Variants in ZYG11A observed in about 807,000 individuals in gnomAD.
ZYG11A encodes zyg-11 family member A, cell cycle regulator.
Under a neutral mutation model 77.2 loss-of-function variants are expected in ZYG11A, and 62 were observed. That is an observed-to-expected ratio of 0.80 (90% CI 0.65 to 0.99). The LOEUF is 0.99. Ranked by LOEUF, ZYG11A falls within the 50% of genes least tolerant of loss-of-function variation. The probability of loss-of-function intolerance (pLI) is 0.00; values close to 1 mark genes in which losing one functional copy is unlikely to be tolerated. For synonymous variants in ZYG11A, 315 were observed against 324.6 expected (o/e 0.97, Z 0.32); for missense variants, 828 against 896.8 (o/e 0.92, Z 0.98).
chr1:52,886,324 T>C (rs568862732), intron 12 of ZYG11A, among the ~76,000 whole-genome samples: 26 of 152,248 alleles, frequency 1.7e-4, no homozygotes, highest in African/African-American at 6.0e-4. Flanking sequence ...ATTTCTCTGA[T>C]ATTGGGAAAG....
intron 3 of ZYG11A, among the ~76,000 whole-genome samples, chr1:52,859,999 CT>C (rs923673579): frequency 6.6e-6 from 1 of 152,104 alleles, no homozygotes; most frequent in African/African-American, 2.4e-5. Context: ...ATTACTATAA[CT>C]TTATATGAAG....
In ZYG11A at chr1:52,863,974, T is replaced by A. The variant is rs566059986; in HGVS notation, c.1150-7T>A. 1 of 1,546,736 alleles carries A rather than the reference T, an allele frequency of 6.5e-7. No individual in the cohort carries two copies. Among genetic ancestry groups the A allele is most frequent in the South Asian group, 1.2e-5 (1 of 83,394 alleles). On this transcript the variant is annotated splice_region_variant and splice_polypyrimidine_tract_variant and intron_variant, in intron 4 of 13. Coordinates refer to ENST00000371528, the MANE Select transcript of ZYG11A (RefSeq NM_001004339.3). ...ATCATATGCACTAAAAACAAGTTCA[T>A]CTTCAGCTTGTGGCTATAGGAATGA...
intron 3 of ZYG11A, among the ~76,000 whole-genome samples, chr1:52,858,513 C>T (rs577699765): frequency 1.5e-4 from 23 of 151,234 alleles, no homozygotes; most frequent in Non-Finnish European, 2.4e-4. Context: ...CCATGTTGGC[C>T]GGGCTGGTCT....
chr1:52,851,237 G>A (rs1192097987), intron 1 of ZYG11A, among the ~76,000 whole-genome samples: 1 of 151,868 alleles, frequency 6.6e-6, no homozygotes, highest in Non-Finnish European at 1.5e-5. Context: ...GTGGAGACGG[G>A]GTTTTGCCAT....
intron 1 of ZYG11A, among the ~76,000 whole-genome samples, chr1:52,852,002 C>T (rs1415649966): frequency 2.0e-5 from 3 of 151,210 alleles, no homozygotes; most frequent in Non-Finnish European, 4.4e-5. Flanking sequence ...GCAACCTCCG[C>T]CTCCCGGGTT....
chr1:52,855,235 A>G (rs1331764566), intron 2 of ZYG11A, among the ~76,000 whole-genome samples: 1 of 151,480 alleles, frequency 6.6e-6, no homozygotes, highest in Non-Finnish European at 1.5e-5. Flanking sequence ...TATGAGTCTT[A>G]CCTCCCATTG....
intron 8 of ZYG11A, among the ~76,000 whole-genome samples, chr1:52,875,399 T>C (rs893611538): frequency 7.2e-5 from 11 of 152,180 alleles, no homozygotes; most frequent in African/African-American, 2.4e-4. Flanking sequence ...TTAAGACATA[T>C]TTTGTGCCCA....
Position 52,851,192 on chromosome 1 carries a change from C to A in ZYG11A, c.91-3273C>A, listed in dbSNP as rs149857840. Among the ~76,000 whole-genome samples the A allele has an allele frequency of 6.3e-3, 959 of 151,992 alleles. 5 individuals carry two copies. Among genetic ancestry groups the A allele is most frequent in the African/African-American group, 0.022 (901 of 41,428 alleles). ...CCCAGGTAGCTGGGACTCAGGCACACCCTACCACATCTGGCTAATTTTTTC... is the reference window on the plus strand; with the variant it reads ...CCCAGGTAGCTGGGACTCAGGCACAACCTACCACATCTGGCTAATTTTTTC... On this transcript the variant is annotated intron_variant, in intron 1 of 13. Transcript: ENST00000371528.
At position 52,872,901 on chromosome 1, in the gene ZYG11A, AAAAGAAAAG is replaced by A. The variant is rs1646195060; in HGVS notation, c.1543-4773_1543-4765del. Among the ~76,000 whole-genome samples, 59 of 46,098 alleles carry A rather than the reference AAAAGAAAAG, an allele frequency of 1.3e-3. 1 individual carries two copies. The South Asian group carries it at 0.04, about 31-fold the overall frequency. The allele number at this position is 46,098 out of a possible 152,430, so 30.2% of individuals were successfully genotyped here. ...CTGTCTCAAAAAAAAAAAAAAAAAG[AAAAGAAAAG>A]AAAGAAAGAAAAAAGAAATATTTTA... is the stretch of plus-strand genomic sequence containing the variant. On this transcript the variant is annotated intron_variant, in intron 8 of 13. Transcript: ENST00000371528.
chr1:52,853,518 C>T (rs1645752792), intron 1 of ZYG11A, among the ~76,000 whole-genome samples: 2 of 152,134 alleles, frequency 1.3e-5, no homozygotes, highest in Admixed American at 6.6e-5. Flanking sequence ...TTGTATTCTT[C>T]ACTAAACTTT....
Position 52,857,292 on chromosome 1 carries a change from G to T in ZYG11A, c.551G>T (p.Arg184Leu), listed in dbSNP as rs190484906. 6.4e-7 allele frequency: 1 copy of T among 1,551,920 alleles called. No homozygotes were observed. Among genetic ancestry groups the T allele is most frequent in the South Asian group, 1.2e-5 (1 of 84,048 alleles). Residue 184 changes from arginine (R) to leucine (L), a missense_variant, in exon 3 of 14, where the codon CGC becomes CTC. Arg to Leu is a moderately radical substitution (Grantham distance 102, BLOSUM62 -2). Coordinates refer to ENST00000371528, the MANE Select transcript of ZYG11A (RefSeq NM_001004339.3). ...TTCTTTAGTCAGCTCACTGGTCTTCGCATTTTAAGTGTTTTTAATGTTTGT... is the reference window on the plus strand; with the variant it reads ...TTCTTTAGTCAGCTCACTGGTCTTCTCATTTTAAGTGTTTTTAATGTTTGT... Reference protein sequence around the residue: ...LLFFSQLTGLRILSVFNVCFH... With the variant: ...LLFFSQLTGLLILSVFNVCFH...
chr1:52,850,268 A>G (rs60442198), intron 1 of ZYG11A, among the ~76,000 whole-genome samples: 2,156 of 151,594 alleles, frequency 0.014, 23 homozygotes, highest in Middle Eastern at 0.13. Context: ...CTCCTGCCTC[A>G]GCCTCCAAAG....
intron 5 of ZYG11A, among the ~76,000 whole-genome samples, chr1:52,864,595 AAG>A (rs1230687226): frequency 6.6e-6 from 1 of 152,160 alleles, no homozygotes; most frequent in Non-Finnish European, 1.5e-5. Context: ...GAATAGATAA[AAG>A]AGTGTGTTTG....
At chr1:52,883,664 G>T (rs774438867) in intron 11 of ZYG11A, among the ~76,000 whole-genome samples, 11 of 151,574 alleles carry the variant, frequency 7.3e-5, no homozygotes, top group Non-Finnish European at 1.3e-4. Context: ...TGACCTCAAG[G>T]GATCTGCCCA....
At chr1:52,862,641 G>C (rs1289112551) in intron 4 of ZYG11A, among the ~76,000 whole-genome samples, 1 of 152,094 alleles carries the variant, frequency 6.6e-6, no homozygotes, top group Non-Finnish European at 1.5e-5. Flanking sequence ...GCTACAGTAA[G>C]CTATGATGGT....
chr1:52,850,978 G>T (rs1342457923), intron 1 of ZYG11A, among the ~76,000 whole-genome samples: 1 of 151,576 alleles, frequency 6.6e-6, no homozygotes, highest in East Asian at 1.9e-4. Flanking sequence ...ATATTTTATT[G>T]TAAGCTGAAC....
At chr1:52,849,326 C>G (rs1340680614) in intron 1 of ZYG11A, among the ~76,000 whole-genome samples, 1 of 151,866 alleles carries the variant, frequency 6.6e-6, no homozygotes, top group African/African-American at 2.4e-5. Flanking sequence ...CCTCAGCCTC[C>G]CAAAGTGCTG....
intron 10 of ZYG11A, among the ~76,000 whole-genome samples, chr1:52,880,846 G>C (rs1482301338): frequency 6.6e-6 from 1 of 152,148 alleles, no homozygotes; most frequent in Non-Finnish European, 1.5e-5. Context: ...ATGCAGCCCA[G>C]CCAACACTTT....
intron 2 of ZYG11A, among the ~76,000 whole-genome samples, 187 bp from the exon 3 acceptor site, chr1:52,856,811 T>A (rs1271694367): frequency 1.3e-5 from 2 of 152,172 alleles, no homozygotes; most frequent in Non-Finnish European, 2.9e-5. Context: ...AATTCCTTTA[T>A]AGTATTAATG....
Sources: gnomAD v4.1 joint callset for allele counts (sites outside exome capture counted in the v4.1 genomes callset) on GRCh38, gnomAD v4.1.1 for gene constraint, MANE v1.5 for transcripts, NCBI Gene and HGNC (gene_info 2026-07-23, HGNC 2026-07-21) for gene names.